Variants in FANCD2 observed in about 807,000 individuals in gnomAD.
The protein encoded by FANCD2 is FA complementation group D2, also known as Fanconi anemia group D2 protein.
FANCD2 carries 131 observed loss-of-function variants against 192.3 expected under a neutral mutation model. The observed-to-expected ratio is 0.68, with a 90% confidence interval of 0.59 to 0.79. The LOEUF (loss-of-function observed/expected upper bound fraction) is 0.79, where lower values mean the gene tolerates loss of function less well. Ranked by LOEUF, FANCD2 falls within the 30% of genes least tolerant of loss-of-function variation. The pLI is 0.00. For synonymous variants in FANCD2, 524 were observed against 612.5 expected (o/e 0.86, Z 2.13); for missense variants, 1,508 against 1,701.6 (o/e 0.89, Z 2.00).
Position 10,101,404 on chromosome 3 carries a change from A to G in FANCD2, c.*142A>G. ...TTTTTTTTTTTTTTTTTTTTTTTTA[A>G]AGACGGGGACTCGCTGTGTTTCCCA... On this transcript the variant is annotated 3_prime_UTR_variant, in exon 44 of 44. Transcript: ENST00000675286. The G allele has an allele frequency of 6.8e-6, 4 of 588,278 alleles. No homozygotes were observed. Among genetic ancestry groups the G allele is most frequent in the South Asian group, 5.7e-5 (3 of 52,874 alleles). The allele number at this position is 588,278 out of a possible 1,614,324, so 36.4% of individuals were successfully genotyped here.
intron 14 of FANCD2, among the ~76,000 whole-genome samples, chr3:10,044,312 T>G (rs887430999): frequency 6.6e-6 from 1 of 152,028 alleles, no homozygotes; most frequent in Non-Finnish European, 1.5e-5. Flanking sequence ...ATCTGTCCAC[T>G]GTCAAGGCAG....
intron 26 of FANCD2, among the ~76,000 whole-genome samples, chr3:10,069,459 G>GCTCTC (rs2087809655): frequency 7.7e-6 from 1 of 129,432 alleles, no homozygotes; most frequent in African/African-American, 3.9e-5. Context: ...TAGTTAAGAT[G>GCTCTC]CCTCTCCCCC....
intron 29 of FANCD2, among the ~76,000 whole-genome samples, chr3:10,075,773 C>T (rs1693502473): frequency 7.6e-6 from 1 of 131,082 alleles, no homozygotes. Context: ...CTGCGTTGCA[C>T]AGGCTGGAGT....
chr3:10,069,652 C>G (rs1328458798), intron 26 of FANCD2, among the ~76,000 whole-genome samples: 1 of 152,028 alleles, frequency 6.6e-6, no homozygotes, highest in Non-Finnish European at 1.5e-5. Context: ...TTGGTGGAGA[C>G]GGGGTTTCGC....
At chr3:10,087,543 A>G (rs1025352776) in intron 34 of FANCD2, among the ~76,000 whole-genome samples, 11 of 151,780 alleles carry the variant, frequency 7.2e-5, no homozygotes, top group African/African-American at 2.7e-4. Context: ...AAAAAAATTT[A>G]TCTGAGACAT....
At chr3:10,055,767 G>A (rs1487317914) in intron 18 of FANCD2, among the ~76,000 whole-genome samples, 4 of 151,622 alleles carry the variant, frequency 2.6e-5, no homozygotes, top group Non-Finnish European at 4.4e-5. Context: ...AGCCGAGATC[G>A]CATCACTGCA....
intron 26 of FANCD2, among the ~76,000 whole-genome samples, chr3:10,068,726 C>T (rs1278263678): frequency 6.6e-6 from 1 of 151,298 alleles, no homozygotes; most frequent in Non-Finnish European, 1.5e-5. Context: ...GGAGGAATCG[C>T]ATTACCTGAC....
intron 29 of FANCD2, among the ~76,000 whole-genome samples, chr3:10,076,826 A>G (rs1693568099): frequency 6.6e-6 from 1 of 152,140 alleles, no homozygotes; most frequent in South Asian, 2.1e-4. Context: ...CCTGAGCTCA[A>G]GTGATTCTTC....
intron 29 of FANCD2, among the ~76,000 whole-genome samples, chr3:10,076,453 C>G (rs560378773): frequency 6.6e-6 from 1 of 152,226 alleles, no homozygotes; most frequent in East Asian, 1.9e-4. Flanking sequence ...TTTTACTATT[C>G]TGAATATTTA....
At chr3:10,049,230 A>T (rs2087123444) in intron 16 of FANCD2, 144 bp from the exon 17 acceptor site, 2 of 849,868 alleles carry the variant, frequency 2.4e-6, no homozygotes, top group East Asian at 2.5e-5. Context: ...AGCCAACATT[A>T]ATGAAAACTA....
chr3:10,041,214 CA>C (rs780654495), intron 9 of FANCD2: 1,691 of 210,570 alleles, frequency 8.0e-3, no homozygotes, highest in South Asian at 0.018. Flanking sequence ...AACAAACAAA[CA>C]AAAAAAAAAG....
chr3:10,028,000 G>A (rs1257257548), intron 1 of FANCD2, among the ~76,000 whole-genome samples: 1 of 151,040 alleles, frequency 6.6e-6, no homozygotes, highest in Non-Finnish European at 1.5e-5. Flanking sequence ...ATCACTTGAG[G>A]TCAGGAGTTT....
intron 38 of FANCD2, 133 bp downstream of exon 38, chr3:10,092,385 C>G: frequency 7.8e-6 from 6 of 769,490 alleles, no homozygotes; most frequent in Non-Finnish European, 4.7e-6. Context: ...TCGTCTTCTT[C>G]CTTTGTCCCC....
chr3:10,058,877 A>G (rs1418632132), intron 18 of FANCD2, among the ~76,000 whole-genome samples: 1 of 152,178 alleles, frequency 6.6e-6, no homozygotes, highest in Non-Finnish European at 1.5e-5. Context: ...TCTGCAAAAC[A>G]TGTTGTGGGA....
intron 28 of FANCD2, among the ~76,000 whole-genome samples, chr3:10,073,780 A>G (rs1693383184): frequency 6.6e-6 from 1 of 152,152 alleles, no homozygotes; most frequent in Admixed American, 6.5e-5. Context: ...TTTATTAGGT[A>G]TAGTTTCTGT....
Position 10,028,720 on chromosome 3 carries a change from C to T in FANCD2, c.63C>T (p.Ser21=). 6.2e-7 allele frequency: 1 copy of T among 1,612,104 alleles called. No homozygotes were observed. The highest frequency in any genetic ancestry group is 8.5e-7 in the Non-Finnish European group (1 of 1,178,226). Residue 21 remains serine (S), a splice_region_variant and synonymous_variant, in exon 2 of 44, where the codon TCC becomes TCT. Transcript: ENST00000675286. ...EDKESLTEDA[S]KTRKQPLSKK... ...AAGAGAGCCTGACAGAAGATGCCTCCAGTAAGTATCTAGTCATTTGTTGCT... is the reference window on the plus strand; with the variant it reads ...AAGAGAGCCTGACAGAAGATGCCTCTAGTAAGTATCTAGTCATTTGTTGCT...
Position 10,043,045 on chromosome 3 carries a change from T to G in FANCD2, c.889-5T>G. On this transcript the variant is annotated splice_polypyrimidine_tract_variant and splice_region_variant and intron_variant, in intron 11 of 43. Coordinates refer to ENST00000675286, the MANE Select transcript of FANCD2 (RefSeq NM_001018115.3). ...AAAACCATAGCTAATATTTACTTTC[T>G]GCAGGTAATTTCTGAGCTTCGGGAG... is the stretch of plus-strand genomic sequence containing the variant. 1 of 1,613,396 alleles carries G rather than the reference T, an allele frequency of 6.2e-7. No homozygotes were observed.
intron 43 of FANCD2, chr3:10,099,178 T>C: frequency 7.1e-7 from 1 of 1,414,726 alleles, no homozygotes; most frequent in Non-Finnish European, 9.2e-7. Context: ...TAAACACATT[T>C]GAAACATACA....
chr3:10,028,982 A>G (rs189329374), intron 2 of FANCD2, among the ~76,000 whole-genome samples: 17 of 152,314 alleles, frequency 1.1e-4, no homozygotes, highest in African/African-American at 3.8e-4. Context: ...TCTGCTATAC[A>G]TCATTTAGGT....
Sources: gnomAD v4.1 joint callset for allele counts (sites outside exome capture counted in the v4.1 genomes callset) on GRCh38, gnomAD v4.1.1 for gene constraint, MANE v1.5 for transcripts, NCBI Gene and HGNC (gene_info 2026-07-23, HGNC 2026-07-21) for gene names.